The following CNKSR3 variants were observed in gnomAD, a reference collection of about 807,000 sequenced individuals.
CNKSR3 encodes CNKSR family member 3.
Under a neutral mutation model 67.7 loss-of-function variants are expected in CNKSR3, and 36 were observed. The observed-to-expected ratio is 0.53, with a 90% CI of 0.41 to 0.70. The LOEUF (loss-of-function observed/expected upper bound fraction) is 0.70. Ranked by LOEUF, CNKSR3 falls within the 30% of genes least tolerant of loss-of-function variation. The pLI is 0.00. For missense variants in CNKSR3, 630 were observed against 695.2 expected (o/e 0.91, Z 1.05); for synonymous variants, 281 against 271.4 (o/e 1.04, Z -0.35).
rs948200057 is a variant in CNKSR3 at position 154,388,944 on chromosome 6, T to TG, written c.*17409_*17410insC. 3 of 150,162 alleles carry TG rather than the reference T, an allele frequency of 2.0e-5. No individual in the cohort carries two copies. The highest frequency in any genetic ancestry group is 4.5e-5 in the Non-Finnish European group (3 of 67,334). 9.3% of individuals were successfully genotyped at this position (150,162 alleles called of 1,614,324 possible). ...CTTGGCCCATTTGTAAAAATTGGGTTTTTTTTTTTTTGCTATTGAGTTATG... is the reference window on the plus strand; with the variant it reads ...CTTGGCCCATTTGTAAAAATTGGGTTGTTTTTTTTTTTGCTATTGAGTTATG... On this transcript the variant is annotated 3_prime_UTR_variant, in exon 13 of 13. Transcript: ENST00000607772.
At chr6:154,422,714 A>G (rs1584066379) in intron 8 of CNKSR3, 62 bp from the exon 9 acceptor site, 1 of 1,570,958 alleles carries the variant, frequency 6.4e-7, no homozygotes, top group Non-Finnish European at 8.7e-7. Flanking sequence ...AACCGAACCT[A>G]TGAATTTATC....
At chr6:154,493,554 AAT>A (rs1353021943) in intron 1 of CNKSR3, among the ~76,000 whole-genome samples, 1 of 152,198 alleles carries the variant, frequency 6.6e-6, no homozygotes, top group African/African-American at 2.4e-5. Context: ...GTTAACAGGC[AAT>A]GGGTGAGGGG....
intron 1 of CNKSR3, among the ~76,000 whole-genome samples, chr6:154,507,920 G>T (rs186296266): frequency 6.6e-6 from 1 of 152,090 alleles, no homozygotes; most frequent in African/African-American, 2.4e-5. Flanking sequence ...GTGATTTTAC[G>T]CTTCTCCTTT....
At position 154,411,361 on chromosome 6, in the gene CNKSR3, T is replaced by C. The variant is rs143889724; in HGVS notation, c.1071-219A>G. 3.4e-3 allele frequency among the ~76,000 whole-genome samples: 514 copies of C among 152,220 alleles called. 6 individuals are homozygous for C. The highest frequency in any genetic ancestry group is 0.012 in the African/African-American group (489 of 41,540). On this transcript the variant is annotated intron_variant, in intron 10 of 12. Transcript: ENST00000607772. ...CATGACGTGATGAAATAAGAATAAA[T>C]GCAGGCCGGACACAGCGGCTCCCGC... is the stretch of plus-strand genomic sequence containing the variant.
chr6:154,429,731 T>C (rs1422716951), intron 6 of CNKSR3, among the ~76,000 whole-genome samples: 1 of 151,814 alleles, frequency 6.6e-6, no homozygotes, highest in African/African-American at 2.4e-5. Context: ...CTCCTCCTCC[T>C]TCTCCTCAAC....
chr6:154,498,659 T>C (rs1786924453), intron 1 of CNKSR3, among the ~76,000 whole-genome samples: 1 of 152,214 alleles, frequency 6.6e-6, no homozygotes, highest in Admixed American at 6.5e-5. Flanking sequence ...TCAGGGCCAT[T>C]CCTGGTCTTT....
intron 1 of CNKSR3, among the ~76,000 whole-genome samples, chr6:154,491,028 G>C (rs1466539216): frequency 6.6e-6 from 1 of 151,972 alleles, no homozygotes; most frequent in Non-Finnish European, 1.5e-5. Context: ...TGTATTTTTA[G>C]TAGAGATGAG....
At chr6:154,425,570 C>T (rs891506997) in intron 7 of CNKSR3, among the ~76,000 whole-genome samples, 2 of 152,184 alleles carry the variant, frequency 1.3e-5, no homozygotes, top group African/African-American at 4.8e-5. Flanking sequence ...ATCTAACTCC[C>T]ACCGGATCTC....
chr6:154,401,977 A>T lies in CNKSR3; in HGVS notation c.*4377T>A, dbSNP rs367682139. On this transcript the variant is annotated 3_prime_UTR_variant, in exon 13 of 13. Transcript: ENST00000607772. ...TTCATGGTCTTCCAGGGAAAAAATT[A>T]AAAAAAGAAAGCCCACAAAATAGAT... is the stretch of plus-strand genomic sequence containing the variant. The T allele has an allele frequency of 2.0e-5, 3 of 152,210 alleles. No individual in the cohort carries two copies. Among genetic ancestry groups the T allele is most frequent in the Non-Finnish European group, 4.4e-5 (3 of 68,040 alleles). 9.4% of individuals were successfully genotyped at this position (152,210 alleles called of 1,614,324 possible).
At chr6:154,419,346 C>T (rs772931730) in intron 9 of CNKSR3, among the ~76,000 whole-genome samples, 6 of 152,022 alleles carry the variant, frequency 3.9e-5, no homozygotes, top group Non-Finnish European at 7.4e-5. Context: ...CAGCCAGCCC[C>T]GAATAGACAT....
rs759686444 is a variant in CNKSR3 at position 154,406,424 on chromosome 6, G to C, written c.1598C>G (p.Thr533Arg). ...GGACGGTTCTGTGGACGAGGACTTC[G>C]TAGCTGAGGAGCCAGATTTCTTTTT... is the stretch of plus-strand genomic sequence containing the variant. ...GTKKKSGSSA[T>R]KSSSTEPSLL... Residue 533 changes from threonine to arginine, a missense_variant, in exon 13 of 13, where the codon ACG becomes AGG. Thr to Arg is a moderately conservative substitution (Grantham distance 71). This residue lies in a region of CNKSR3 where 308 missense variants were observed against 299.6 expected (regional missense o/e 1.03). Coordinates refer to ENST00000607772, the MANE Select transcript of CNKSR3 (RefSeq NM_173515.4). 6 of 1,614,066 alleles carry C rather than the reference G, an allele frequency of 3.7e-6. No homozygotes were observed. The highest frequency in any genetic ancestry group is 5.1e-6 in the Non-Finnish European group (6 of 1,180,034).
intron 7 of CNKSR3, among the ~76,000 whole-genome samples, chr6:154,423,905 G>A (rs1360023226): frequency 6.6e-6 from 1 of 152,044 alleles, no homozygotes; most frequent in Non-Finnish European, 1.5e-5. Context: ...ATAACGGCTG[G>A]TTATTAATTT....
intron 12 of CNKSR3, among the ~76,000 whole-genome samples, chr6:154,406,953 T>C (rs1784806900): frequency 1.1e-5 from 1 of 88,674 alleles, no homozygotes; most frequent in African/African-American, 4.5e-5. Context: ...CTCTGTCCCC[T>C]CCAGGAAAAA....
At chr6:154,464,512 C>T (rs146602758) in intron 1 of CNKSR3, among the ~76,000 whole-genome samples, 1,942 of 152,010 alleles carry the variant, frequency 0.013, 34 homozygotes, top group South Asian at 0.035. Flanking sequence ...GTCAGGAGAT[C>T]GAGACCATCC....
At position 154,503,561 on chromosome 6, in the gene CNKSR3, G is replaced by A. The variant is rs935162358; in HGVS notation, c.52+6502C>T. ...GATGATCACTCAAGCCTCAAGCCCT[G>A]GAGTTTGAGGCTAAAATGAGCTATG... On this transcript the variant is annotated intron_variant, in intron 1 of 12. Transcript: ENST00000607772. Among the ~76,000 whole-genome samples the A allele has an allele frequency of 2.6e-5, 4 of 151,586 alleles. No individual in the cohort carries two copies. In the South Asian group the frequency reaches 8.4e-4, roughly 32 times the overall value.
intron 1 of CNKSR3, among the ~76,000 whole-genome samples, chr6:154,474,005 G>A (rs113891132): frequency 0.011 from 1,598 of 151,058 alleles, 14 homozygotes; most frequent in Middle Eastern, 0.034. Context: ...GGATGGTCTC[G>A]ATCTCCTGAC....
chr6:154,433,545 A>T (rs1486900125), intron 4 of CNKSR3, 38 bp from the exon 5 acceptor site: 1 of 1,497,972 alleles, frequency 6.7e-7, no homozygotes, highest in Non-Finnish European at 9.2e-7. Flanking sequence ...ACTAAGTACA[A>T]GAGTTAAAAA....
chr6:154,454,579 C>A (rs1478504966), intron 1 of CNKSR3, among the ~76,000 whole-genome samples: 1 of 152,124 alleles, frequency 6.6e-6, no homozygotes, highest in African/African-American at 2.4e-5. Context: ...TGCAGCATAG[C>A]AGCACGATCA....
chr6:154,424,992 G>A (rs1444047259), intron 7 of CNKSR3, among the ~76,000 whole-genome samples: 2 of 152,162 alleles, frequency 1.3e-5, no homozygotes, highest in African/African-American at 4.8e-5. Flanking sequence ...GGCTGATCTT[G>A]AACTCTTTAC....
Sources: gnomAD v4.1 joint callset for allele counts (sites outside exome capture counted in the v4.1 genomes callset) on GRCh38, gnomAD v4.1.1 for gene constraint, gnomAD v4.1.1 regional missense constraint, MANE v1.5 for transcripts, NCBI Gene and HGNC (gene_info 2026-07-23, HGNC 2026-07-21) for gene names.